The following NAMPT variants were observed in gnomAD, a reference collection of about 807,000 sequenced individuals.
NAMPT encodes nicotinamide phosphoribosyltransferase.
NAMPT carries 7 observed loss-of-function variants against 58.7 expected under a neutral mutation model. The ratio of observed to expected loss-of-function variants is 0.12; its 90% confidence interval spans 0.07 to 0.22. The LOEUF is 0.22. Among genes scored for constraint, NAMPT ranks in the 10% least tolerant of loss-of-function variants. NAMPT has a pLI of 1.00. For missense variants in NAMPT, 271 were observed against 567.9 expected (o/e 0.48, Z 5.31); for synonymous variants, 145 against 198.1 (o/e 0.73, Z 2.25).
At chr7:106,259,739 A>T (rs1792270821) in intron 8 of NAMPT, among the ~76,000 whole-genome samples, 1 of 152,194 alleles carries the variant, frequency 6.6e-6, no homozygotes, top group South Asian at 2.1e-4. Context: ...TATTTCCTAA[A>T]TAATAGCATC....
At chr7:106,263,117 T>G (rs1303247128) in intron 7 of NAMPT, 1 of 415,450 alleles carries the variant, frequency 2.4e-6, no homozygotes, top group Non-Finnish European at 4.3e-6. Flanking sequence ...TTAATTAAAA[T>G]GGCAATGCTG....
chr7:106,258,813 CTGT>C (rs1404797406), intron 8 of NAMPT, among the ~76,000 whole-genome samples: 8 of 151,934 alleles, frequency 5.3e-5, no homozygotes, highest in East Asian at 1.9e-4. Context: ...GGGTCTTGCC[CTGT>C]TGTTGATGGC....
chr7:106,262,104 A>G (rs1324313902), intron 7 of NAMPT, among the ~76,000 whole-genome samples: 2 of 152,162 alleles, frequency 1.3e-5, no homozygotes, highest in African/African-American at 4.8e-5. Flanking sequence ...CTTGTGCCCA[A>G]TGACTTTGGT....
chr7:106,258,013 C>CG (rs1194833752), intron 8 of NAMPT, among the ~76,000 whole-genome samples: 1 of 152,216 alleles, frequency 6.6e-6, no homozygotes, highest in Non-Finnish European at 1.5e-5. Context: ...AAGGGGAAAA[C>CG]GGCAATTAGG....
intron 3 of NAMPT, among the ~76,000 whole-genome samples, chr7:106,274,086 T>C (rs2115805865): frequency 6.6e-6 from 1 of 150,460 alleles, no homozygotes; most frequent in Admixed American, 6.7e-5. Flanking sequence ...CCTTAATATT[T>C]AGGCAATGAA....
In NAMPT at chr7:106,268,604, G is replaced by GA. The variant is rs1211593838; in HGVS notation, c.607-5dup. On this transcript the variant is annotated splice_polypyrimidine_tract_variant and splice_region_variant and intron_variant, in intron 5 of 10. Transcript: ENST00000222553. ...CAGATGCTCCTATGCCAGCAGTCTGGAAAATCAATCATAAACCAAAATCCA... is the reference window on the plus strand; with the variant it reads ...CAGATGCTCCTATGCCAGCAGTCTGGAAAAATCAATCATAAACCAAAATCCA... 1 of 1,606,872 alleles carries GA rather than the reference G, an allele frequency of 6.2e-7. No homozygotes were observed. The highest frequency in any genetic ancestry group is 8.5e-7 in the Non-Finnish European group (1 of 1,173,722).
At chr7:106,283,339 C>T (rs1792801837) in intron 1 of NAMPT, among the ~76,000 whole-genome samples, 1 of 151,864 alleles carries the variant, frequency 6.6e-6, no homozygotes, top group African/African-American at 2.4e-5. Context: ...ATTTTACATT[C>T]CTTATGTATA....
rs1218785499 is a variant in NAMPT, at chr7:106,248,960, A to C, written c.*2123T>G. ...ACAAAGAGATAGCTTTTTTCACTGCAAATTTCTAAATTAAACTCTATTCTG... is the reference window on the plus strand; with the variant it reads ...ACAAAGAGATAGCTTTTTTCACTGCCAATTTCTAAATTAAACTCTATTCTG... On this transcript the variant is annotated 3_prime_UTR_variant, in exon 11 of 11. Transcript: ENST00000222553. The C allele has an allele frequency of 1.3e-5, 2 of 152,114 alleles. No individual in the cohort carries two copies. Among genetic ancestry groups the C allele is most frequent in the Non-Finnish European group, 2.9e-5 (2 of 67,982 alleles). The allele number at this position is 152,114 out of a possible 1,614,324, so 9.4% of individuals were successfully genotyped here.
intron 3 of NAMPT, among the ~76,000 whole-genome samples, chr7:106,273,238 C>T (rs1277104966): frequency 6.6e-6 from 1 of 152,204 alleles, no homozygotes; most frequent in Admixed American, 6.5e-5. Flanking sequence ...GCAATTAACA[C>T]TCGAGTATGA....
At chr7:106,257,326 G>A (rs892822967) in intron 8 of NAMPT, among the ~76,000 whole-genome samples, 6 of 151,772 alleles carry the variant, frequency 4.0e-5, no homozygotes, top group African/African-American at 1.5e-4. Flanking sequence ...CTATACAGAT[G>A]CACATACAGG....
chr7:106,261,443 A>G (rs980328330), intron 8 of NAMPT, 145 bp downstream of exon 8: 11 of 645,120 alleles, frequency 1.7e-5, no homozygotes, highest in Non-Finnish European at 2.7e-5. Flanking sequence ...TATTATTTCT[A>G]AACTTTAAGC....
chr7:106,253,975 C>T (rs979572860), intron 9 of NAMPT, among the ~76,000 whole-genome samples: 4 of 152,128 alleles, frequency 2.6e-5, no homozygotes, highest in Admixed American at 2.6e-4. Flanking sequence ...ATCCAAACCT[C>T]ATATTCTACC....
chr7:106,260,126 G>T (rs1792277713), intron 8 of NAMPT, among the ~76,000 whole-genome samples: 1 of 152,192 alleles, frequency 6.6e-6, no homozygotes, highest in Non-Finnish European at 1.5e-5. Flanking sequence ...TTTCAAAGCA[G>T]ATGTTGTCTT....
At chr7:106,257,894 G>GGT (rs34473858) in intron 8 of NAMPT, among the ~76,000 whole-genome samples, 77,140 of 151,358 alleles carry the variant, frequency 0.51, 22,251 homozygotes, top group East Asian at 0.89. Flanking sequence ...AAGGGGGAGG[G>GGT]GTGTGTGTGT....
chr7:106,261,758 T>G (rs753463913), intron 7 of NAMPT, 51 bp from the exon 8 acceptor site: 2 of 1,532,376 alleles, frequency 1.3e-6, no homozygotes, highest in Non-Finnish European at 1.8e-6. Context: ...TGAAAACAAG[T>G]ATAAGAGCTT....
rs867951206 is a variant in NAMPT at position 106,275,161 on chromosome 7, T to C, written c.215-112A>G. 2.3e-5 allele frequency: 14 copies of C among 610,140 alleles called. No homozygotes were observed. In the Middle Eastern group the frequency reaches 1.8e-3, roughly 80 times the overall value. 37.8% of individuals were successfully genotyped at this position (610,140 alleles called of 1,614,324 possible). A position where few individuals can be genotyped will look rare whatever the true frequency, so the allele number is the denominator to read the frequency against. On this transcript the variant is annotated intron_variant, in intron 2 of 10. Coordinates refer to ENST00000222553, the MANE Select transcript of NAMPT (RefSeq NM_005746.3). ...TTTCACCCATTCTATGGATTAAAAA[T>C]ATAACTAAGAGGTTAAATGCTCACC...
At chr7:106,278,070 G>A (rs1792686391) in intron 1 of NAMPT, among the ~76,000 whole-genome samples, 2 of 152,182 alleles carry the variant, frequency 1.3e-5, no homozygotes, top group African/African-American at 4.8e-5. Context: ...TCATGGCAAT[G>A]GCGGAATAAA....
At chr7:106,267,709 C>G (rs923521636) in intron 6 of NAMPT, among the ~76,000 whole-genome samples, 1 of 149,110 alleles carries the variant, frequency 6.7e-6, no homozygotes, top group South Asian at 2.1e-4. Context: ...GGCGTAGTGG[C>G]GGGCGCCTGT....
chr7:106,273,806 A>G (rs1792581973), intron 3 of NAMPT, among the ~76,000 whole-genome samples: 1 of 152,152 alleles, frequency 6.6e-6, no homozygotes, highest in African/African-American at 2.4e-5. Flanking sequence ...GGAAAAGTGC[A>G]GCACAGAGTA....
Sources: allele counts gnomAD v4.1 joint callset (sites outside exome capture counted in the v4.1 genomes callset), GRCh38; gene constraint gnomAD v4.1.1; transcripts MANE v1.5; gene names NCBI Gene and HGNC (gene_info 2026-07-23, HGNC 2026-07-21).